SGCD: variants seen among roughly 807,000 people sequenced by gnomAD.
The protein encoded by SGCD is delta-sarcoglycan.
In SGCD, 18 loss-of-function variants were observed where a neutral mutation model predicts 36.6. The observed-to-expected ratio is 0.49, with a 90% confidence interval of 0.34 to 0.73. The LOEUF (loss-of-function observed/expected upper bound fraction) is 0.73. Ranked by LOEUF, SGCD falls within the 30% of genes least tolerant of loss-of-function variation. SGCD has a pLI of 0.01. For missense variants in SGCD, 387 were observed against 346.7 expected, an observed-to-expected ratio of 1.12 and a Z score of -0.92; for synonymous variants, 133 against 130.6, an observed-to-expected ratio of 1.02 and a Z score of -0.12.
At chr5:155,765,553 G>C in the SGCD span, among the ~76,000 whole-genome samples, 1 of 152,104 alleles carries the variant, frequency 6.6e-6, no homozygotes, top group African/African-American at 2.4e-5. Context: ...GAGAAATTAT[G>C]ATCATTAAAG....
At chr5:155,943,220 A>G (rs1757369692) in intron 1 of SGCD, among the ~76,000 whole-genome samples, 1 of 152,014 alleles carries the variant, frequency 6.6e-6, no homozygotes, top group African/African-American at 2.4e-5. Context: ...TACTATGAGA[A>G]CTACACATGC....
chr5:156,403,745 C>A (rs376751648), intron 3 of SGCD, among the ~76,000 whole-genome samples: 25 of 152,188 alleles, frequency 1.6e-4, no homozygotes, highest in African/African-American at 5.3e-4. Flanking sequence ...TGCAGTTAAA[C>A]ATCTGGTTTA....
intron 7 of SGCD, among the ~76,000 whole-genome samples, chr5:156,688,132 G>T (rs932022523): frequency 6.6e-6 from 1 of 152,062 alleles, no homozygotes; most frequent in African/African-American, 2.4e-5. Context: ...TGTCGCGGGG[G>T]TTTGTTGTAC....
At chr5:156,337,217 A>G (rs1317466342) in intron 2 of SGCD, among the ~76,000 whole-genome samples, 2 of 152,210 alleles carry the variant, frequency 1.3e-5, no homozygotes, top group Admixed American at 6.5e-5. Flanking sequence ...TAGAAACTGT[A>G]ATGAGCCTTT....
At chr5:155,755,125 A>G in the SGCD span, among the ~76,000 whole-genome samples, 1 of 152,188 alleles carries the variant, frequency 6.6e-6, no homozygotes, top group African/African-American at 2.4e-5. Flanking sequence ...AATATGGTGC[A>G]TTTTCTTTGT....
At chr5:155,950,426 G>A (rs990209245) in intron 1 of SGCD, among the ~76,000 whole-genome samples, 1 of 152,108 alleles carries the variant, frequency 6.6e-6, no homozygotes, top group Admixed American at 6.6e-5. Context: ...CGAGGAGAAG[G>A]AATTACACTG....
At chr5:156,140,425 C>A (rs1762552697) in intron 3 of SGCD, among the ~76,000 whole-genome samples, 1 of 152,066 alleles carries the variant, frequency 6.6e-6, no homozygotes, top group Non-Finnish European at 1.5e-5. Flanking sequence ...GCTGAAAGAC[C>A]AGTTTGATGA....
chr5:156,450,260 C>T (rs1218269296), intron 3 of SGCD, among the ~76,000 whole-genome samples: 3 of 151,970 alleles, frequency 2.0e-5, no homozygotes, highest in African/African-American at 7.3e-5. Context: ...CCAAAACAGC[C>T]AATTTTTCAT....
chr5:156,206,726 A>T (rs1029580364), intron 3 of SGCD, among the ~76,000 whole-genome samples: 1 of 150,290 alleles, frequency 6.7e-6, no homozygotes, highest in Non-Finnish European at 1.5e-5. Context: ...GCAGTGAATA[A>T]TTTTTTTTTT....
chr5:156,157,468 G>A (rs894925714), intron 3 of SGCD, among the ~76,000 whole-genome samples: 1 of 151,692 alleles, frequency 6.6e-6, no homozygotes, highest in Non-Finnish European at 1.5e-5. Context: ...TCTTTAGAAA[G>A]ACCATTAATC....
In SGCD at chr5:156,011,564, C is replaced by T. The variant is rs1204847871; in HGVS notation, c.-281-106314C>T. On this transcript the variant is annotated intron_variant, in intron 1 of 9. Coordinates refer to the SGCD transcript ENST00000517913. The stretch of plus-strand genomic sequence containing the variant: ...CAAGAAGTCCTCTGCCTTAGCCTCC[C>T]GAGTATCTGGGACTACAGGTGCCCA... Among the ~76,000 whole-genome samples, 4 of 151,934 alleles carry T rather than the reference C, an allele frequency of 2.6e-5. No homozygotes were observed. The South Asian group carries it at 6.2e-4, about 24-fold the overall frequency.
At position 156,076,803 on chromosome 5, in the gene SGCD, T is replaced by C. The variant is rs114190916; in HGVS notation, c.-281-41075T>C. Among the ~76,000 whole-genome samples, 1,053 of 152,294 alleles carry C rather than the reference T, an allele frequency of 6.9e-3. 6 individuals carry two copies. Among genetic ancestry groups the C allele is most frequent in the African/African-American group, 0.023 (950 of 41,560 alleles). On this transcript the variant is annotated intron_variant, in intron 1 of 9. Coordinates refer to the SGCD transcript ENST00000517913. ...GGATTAGAGAAAAGAGGCTGTGTTG[T>C]AGAGCTCCCAAATGAACATTTGCTA...
At chr5:156,679,087 G>T (rs893916114) in intron 7 of SGCD, among the ~76,000 whole-genome samples, 42 of 152,148 alleles carry the variant, frequency 2.8e-4, no homozygotes, top group Non-Finnish European at 4.1e-4. Context: ...GTACTGCTTT[G>T]TCCATATATT....
At chr5:156,111,690 T>A (rs1761789692) in intron 1 of SGCD, among the ~76,000 whole-genome samples, 1 of 152,130 alleles carries the variant, frequency 6.6e-6, no homozygotes, top group South Asian at 2.1e-4. Context: ...TCACAATTAA[T>A]CCTTTACCAT....
chr5:156,289,094 T>A (rs148064904), intron 3 of SGCD, among the ~76,000 whole-genome samples: 14 of 152,158 alleles, frequency 9.2e-5, no homozygotes, highest in Middle Eastern at 3.4e-3. Context: ...AGAAGATTAG[T>A]CCTATAAAGT....
At chr5:156,203,005 C>A (rs948894845) in intron 3 of SGCD, among the ~76,000 whole-genome samples, 1 of 152,078 alleles carries the variant, frequency 6.6e-6, no homozygotes, top group East Asian at 1.9e-4. Flanking sequence ...CTTTGATATA[C>A]TTACATGCCT....
chr5:156,165,520 A>G (rs1007177747), intron 3 of SGCD, among the ~76,000 whole-genome samples: 1 of 152,232 alleles, frequency 6.6e-6, no homozygotes, highest in Non-Finnish European at 1.5e-5. Context: ...TTTGTTGTCA[A>G]AAATGCAAGA....
intron 3 of SGCD, among the ~76,000 whole-genome samples, chr5:156,194,535 T>C (rs1763974262): frequency 6.6e-6 from 1 of 152,174 alleles, no homozygotes; most frequent in African/African-American, 2.4e-5. Flanking sequence ...TCAATTGTGT[T>C]ATATTCTATT....
intron 3 of SGCD, among the ~76,000 whole-genome samples, chr5:156,303,671 G>T (rs6870979): frequency 0.02 from 3,023 of 150,990 alleles, 103 homozygotes; most frequent in African/African-American, 0.069. Flanking sequence ...TTAGTCAGCA[G>T]GTGATGAATC....
Sources: gnomAD v4.1 joint callset for allele counts (sites outside exome capture counted in the v4.1 genomes callset) on GRCh38, gnomAD v4.1.1 for gene constraint, MANE v1.5 for transcripts, NCBI Gene and HGNC (gene_info 2026-07-23, HGNC 2026-07-21) for gene names.